Variants in HPSE2 observed in about 807,000 individuals in gnomAD.
The protein encoded by HPSE2 is inactive heparanase-2.
In HPSE2, 38 loss-of-function variants were observed where a neutral mutation model predicts 60.5. That is an observed-to-expected ratio of 0.63 (90% CI 0.48 to 0.82). The LOEUF (loss-of-function observed/expected upper bound fraction) is 0.82. Among genes scored for constraint, HPSE2 ranks in the 40% least tolerant of loss-of-function variants. The pLI is 0.00. For synonymous variants in HPSE2, 295 were observed against 293.2 expected (o/e 1.01, Z -0.06); for missense variants, 713 against 740.4 (o/e 0.96, Z 0.43).
At chr10:98,689,808 T>G (rs995376198) in intron 6 of HPSE2, among the ~76,000 whole-genome samples, 4 of 152,238 alleles carry the variant, frequency 2.6e-5, no homozygotes, top group Non-Finnish European at 4.4e-5. Context: ...CAAGTCTGTT[T>G]TGGTTATATT....
intron 9 of HPSE2, among the ~76,000 whole-genome samples, chr10:98,516,707 A>G (rs541787640): frequency 4.1e-4 from 62 of 152,264 alleles, no homozygotes; most frequent in African/African-American, 1.5e-3. Flanking sequence ...TCTCACCTGA[A>G]TTGCCCCCAT....
chr10:98,850,157 G>A (rs980435773), intron 3 of HPSE2, among the ~76,000 whole-genome samples: 6 of 152,066 alleles, frequency 3.9e-5, no homozygotes, highest in Admixed American at 6.6e-5. Flanking sequence ...GCTAAAAAGC[G>A]CTAGTCTTAT....
At chr10:98,754,227 C>T (rs1204347274) in intron 3 of HPSE2, among the ~76,000 whole-genome samples, 1 of 152,118 alleles carries the variant, frequency 6.6e-6, no homozygotes, top group African/African-American at 2.4e-5. Flanking sequence ...GAAGTATTAA[C>T]AGCAGAATAG....
At chr10:98,500,207 G>A (rs554761407) in intron 9 of HPSE2, among the ~76,000 whole-genome samples, 2 of 152,172 alleles carry the variant, frequency 1.3e-5, no homozygotes, top group East Asian at 1.9e-4. Flanking sequence ...TTCACCCAAC[G>A]ACTGCAGAAT....
At chr10:98,958,784 C>T (rs1255486680) in intron 3 of HPSE2, among the ~76,000 whole-genome samples, 1 of 152,030 alleles carries the variant, frequency 6.6e-6, no homozygotes, top group Non-Finnish European at 1.5e-5. Flanking sequence ...AAAATGTAAA[C>T]TTAAGCTACA....
At chr10:98,672,227 A>G (rs954869995) in intron 6 of HPSE2, among the ~76,000 whole-genome samples, 5 of 148,386 alleles carry the variant, frequency 3.4e-5, no homozygotes, top group South Asian at 2.1e-4. Context: ...GAAAAAGGGG[A>G]AAAAAATGAC....
intron 3 of HPSE2, among the ~76,000 whole-genome samples, chr10:98,795,059 G>GGAAGGAAGGAAA (rs1950748141): frequency 6.8e-6 from 1 of 146,890 alleles, no homozygotes; most frequent in Non-Finnish European, 1.5e-5. Context: ...AAGGAAGGAA[G>GGAAGGAAGGAAA]GAAGGAAAGA....
At chr10:99,265,669 C>T in the HPSE2 span, among the ~76,000 whole-genome samples, 1 of 152,206 alleles carries the variant, frequency 6.6e-6, no homozygotes, top group African/African-American at 2.4e-5. Context: ...AAAGACAGAG[C>T]AGTGTGTAGA....
intron 9 of HPSE2, among the ~76,000 whole-genome samples, chr10:98,581,414 T>G (rs552373982): frequency 5.3e-5 from 8 of 152,128 alleles, no homozygotes; most frequent in Non-Finnish European, 1.0e-4. Context: ...CCTCTATAAG[T>G]CAGAGATTTG....
chr10:98,493,329 T>C (rs1019341268), intron 9 of HPSE2, among the ~76,000 whole-genome samples: 1 of 152,250 alleles, frequency 6.6e-6, no homozygotes, highest in African/African-American at 2.4e-5. Context: ...TGGTTTATTA[T>C]GTTGTTTAAC....
chr10:98,553,345 T>G (rs1434440405), intron 9 of HPSE2, among the ~76,000 whole-genome samples: 1 of 152,262 alleles, frequency 6.6e-6, no homozygotes, highest in African/African-American at 2.4e-5. Context: ...TGATACTTTA[T>G]GTGTTATCTT....
At chr10:98,907,547 C>A (rs950155787) in intron 3 of HPSE2, among the ~76,000 whole-genome samples, 1 of 152,138 alleles carries the variant, frequency 6.6e-6, no homozygotes. Context: ...ATTCTTCTGA[C>A]AAGGCATGGT....
intron 6 of HPSE2, among the ~76,000 whole-genome samples, chr10:98,692,468 C>T (rs1292372326): frequency 2.0e-5 from 3 of 151,788 alleles, no homozygotes; most frequent in African/African-American, 7.2e-5. Context: ...CAATCCATGA[C>T]TCACACAAAC....
At chr10:98,523,530 C>T (rs750983189) in intron 9 of HPSE2, among the ~76,000 whole-genome samples, 3 of 152,098 alleles carry the variant, frequency 2.0e-5, no homozygotes, top group Non-Finnish European at 4.4e-5. Context: ...TATTGAATCC[C>T]AAATAAAGAC....
At chr10:98,479,683 G>A (rs919862781) in intron 11 of HPSE2, among the ~76,000 whole-genome samples, 1 of 152,222 alleles carries the variant, frequency 6.6e-6, no homozygotes, top group Non-Finnish European at 1.5e-5. Flanking sequence ...AGACTCAGAA[G>A]AATGAAGGGC....
In HPSE2 at chr10:99,233,673, A is replaced by C. The variant is rs73339510; in HGVS notation, c.291-1168T>G. Among the ~76,000 whole-genome samples the C allele has an allele frequency of 2.0e-3, 304 of 152,352 alleles. 1 individual carries two copies. Among genetic ancestry groups the C allele is most frequent in the African/African-American group, 7.0e-3 (293 of 41,572 alleles). ...TAAAGGAGGTGGATACGAGAAAGAA[A>C]AAACAGACTCTGCTTTTGGAGAGTT... is the stretch of plus-strand genomic sequence containing the variant. On this transcript the variant is annotated intron_variant, in intron 1 of 11. Coordinates refer to ENST00000370552, the MANE Select transcript of HPSE2 (RefSeq NM_021828.5).
intron 9 of HPSE2, among the ~76,000 whole-genome samples, chr10:98,522,065 A>G (rs1289343774): frequency 2.0e-5 from 3 of 152,010 alleles, no homozygotes; most frequent in African/African-American, 7.3e-5. Context: ...GCAAACCAAC[A>G]TGGCACATGT....
chr10:99,296,355 GC>G, the HPSE2 span, among the ~76,000 whole-genome samples: 2 of 152,056 alleles, frequency 1.3e-5, no homozygotes, highest in African/African-American at 2.4e-5. Context: ...TCAATCAGAT[GC>G]CCCCCCAACA....
intron 3 of HPSE2, among the ~76,000 whole-genome samples, chr10:98,762,763 C>A (rs1950034939): frequency 6.6e-6 from 1 of 151,606 alleles, no homozygotes; most frequent in Non-Finnish European, 1.5e-5. Context: ...TCAAAATGTC[C>A]AGAATATGAT....
Sources: allele counts gnomAD v4.1 joint callset (sites outside exome capture counted in the v4.1 genomes callset), GRCh38; gene constraint gnomAD v4.1.1; transcripts MANE v1.5; gene names NCBI Gene and HGNC (gene_info 2026-07-23, HGNC 2026-07-21).